GPHN: variants seen among roughly 807,000 people sequenced by gnomAD.
GPHN encodes the protein gephyrin.
Under a neutral mutation model 95.5 loss-of-function variants are expected in GPHN, and 17 were observed. That is an observed-to-expected ratio of 0.18 (90% CI 0.12 to 0.27). The LOEUF (loss-of-function observed/expected upper bound fraction) is 0.27, where lower values mean the gene tolerates loss of function less well. Ranked by LOEUF, GPHN falls within the 10% of genes least tolerant of loss-of-function variation. The probability of loss-of-function intolerance (pLI) is 1.00; values close to 1 mark genes in which losing one functional copy is unlikely to be tolerated. For synonymous variants in GPHN, 320 were observed against 322.5 expected, an observed-to-expected ratio of 0.99 and a Z score of 0.08; for missense variants, 660 against 978.1, an observed-to-expected ratio of 0.67 and a Z score of 4.34.
In GPHN at chr14:67,181,533, C is replaced by G; in HGVS notation, c.*596C>G. 1 of 500,584 alleles carries G rather than the reference C, an allele frequency of 2.0e-6. No individual in the cohort carries two copies. Among genetic ancestry groups the G allele is most frequent in the Non-Finnish European group, 3.9e-6 (1 of 257,744 alleles). 31.0% of individuals were successfully genotyped at this position (500,584 alleles called of 1,614,324 possible). A position where few individuals can be genotyped will look rare whatever the true frequency, so the allele number is the denominator to read the frequency against. On this transcript the variant is annotated 3_prime_UTR_variant, in exon 23 of 23. Coordinates refer to ENST00000478722, the MANE Select transcript of GPHN (RefSeq NM_020806.5). Reference sequence around the variant, plus strand: ...AGCCTCACGGCACAGTACTCTTGGGCAGTAACTGGACACCTTTTATTTGAA... The same window carrying G: ...AGCCTCACGGCACAGTACTCTTGGGGAGTAACTGGACACCTTTTATTTGAA...
intron 17 of GPHN, among the ~76,000 whole-genome samples, chr14:67,123,913 TG>T (rs1349292299): frequency 6.6e-6 from 1 of 152,180 alleles, no homozygotes; most frequent in African/African-American, 2.4e-5. Context: ...TGAACACCCC[TG>T]GTCTAAACCT....
intron 14 of GPHN, among the ~76,000 whole-genome samples, chr14:67,110,604 G>T (rs1169826740): frequency 6.6e-6 from 1 of 152,182 alleles, no homozygotes; most frequent in African/African-American, 2.4e-5. Context: ...TTCCAGAGCA[G>T]AGATATTAAT....
chr14:66,651,953 A>G (rs1381208611), intron 1 of GPHN, among the ~76,000 whole-genome samples: 5 of 152,116 alleles, frequency 3.3e-5, no homozygotes, highest in Admixed American at 2.6e-4. Flanking sequence ...GAAATAAAGT[A>G]CACAATAAAT....
At chr14:67,340,621 T>C in the GPHN span, 1 of 968,640 alleles carries the variant, frequency 1.0e-6, no homozygotes, top group Non-Finnish European at 1.6e-6. Context: ...ATTGTAAAAT[T>C]AATGTGCATT....
the GPHN span, chr14:67,578,553 T>C: frequency 2.5e-6 from 4 of 1,610,954 alleles, no homozygotes; most frequent in Non-Finnish European, 3.4e-6. This position sits in a 1 kb window ranked among gnomAD's most constrained non-coding sequence, Gnocchi z 5.0. Flanking sequence ...CTCCTCGCTC[T>C]GTGTGCTCCA....
intron 8 of GPHN, among the ~76,000 whole-genome samples, chr14:66,939,669 C>G (rs1443981815): frequency 6.6e-6 from 1 of 152,170 alleles, no homozygotes; most frequent in Non-Finnish European, 1.5e-5. Flanking sequence ...TCCAGGGATC[C>G]TCTGCCTTAT....
chr14:66,975,376 G>A (rs575654183), intron 9 of GPHN, among the ~76,000 whole-genome samples: 4 of 152,206 alleles, frequency 2.6e-5, no homozygotes, highest in Admixed American at 6.5e-5. Flanking sequence ...ATTTTACATT[G>A]ACAGCAGGAA....
At chr14:67,599,101 G>C in the GPHN span, among the ~76,000 whole-genome samples, 1 of 152,194 alleles carries the variant, frequency 6.6e-6, no homozygotes, top group African/African-American at 2.4e-5. Context: ...ACCATGCTCT[G>C]AAACACGCTT....
chr14:67,358,416 G>A, the GPHN span, among the ~76,000 whole-genome samples: 2 of 152,124 alleles, frequency 1.3e-5, no homozygotes, highest in Non-Finnish European at 2.9e-5. Context: ...TTTATTTTAA[G>A]CATCCTCAGA....
At chr14:67,574,441 C>T in the GPHN span, 4 of 1,442,144 alleles carry the variant, frequency 2.8e-6, no homozygotes, top group Non-Finnish European at 3.7e-6. The surrounding 1 kb of genome is among the most constrained non-coding windows in gnomAD (Gnocchi z 4.2). Context: ...ACATGTGCCT[C>T]CTGCGAATCA....
chr14:66,996,206 T>G (rs1286908328), intron 9 of GPHN: 1 of 1,528,038 alleles, frequency 6.5e-7, no homozygotes, highest in Non-Finnish European at 8.8e-7. Flanking sequence ...CATCTACCTA[T>G]AGTGTATCTG....
At chr14:67,324,733 C>T in the GPHN span, among the ~76,000 whole-genome samples, 1 of 151,910 alleles carries the variant, frequency 6.6e-6, no homozygotes, top group Non-Finnish European at 1.5e-5. Context: ...TATAGCCATG[C>T]ACCACCATGC....
At chr14:67,593,444 T>C in the GPHN span, 1 of 324,894 alleles carries the variant, frequency 3.1e-6, no homozygotes, top group Non-Finnish European at 5.8e-6. Context: ...TGAGCTGTGA[T>C]CGAGCCACTG....
At chr14:67,134,128 G>A (rs546570524) in intron 17 of GPHN, among the ~76,000 whole-genome samples, 1 of 152,198 alleles carries the variant, frequency 6.6e-6, no homozygotes, top group Admixed American at 6.5e-5. Context: ...ATGTTAGCTA[G>A]TCCAGACTTT....
At position 67,181,040 on chromosome 14, in the gene GPHN, G is replaced by A. The variant is rs1595522126; in HGVS notation, c.*103G>A. Reference sequence around the variant, plus strand: ...AGTTTTCCCGATTTGGATAAAAGTTGATCTGTATAGTCAACATCTTGAACT... The same window carrying A: ...AGTTTTCCCGATTTGGATAAAAGTTAATCTGTATAGTCAACATCTTGAACT... On this transcript the variant is annotated 3_prime_UTR_variant, in exon 23 of 23. Coordinates refer to ENST00000478722, the MANE Select transcript of GPHN (RefSeq NM_020806.5). 1 of 1,041,318 alleles carries A rather than the reference G, an allele frequency of 9.6e-7. No homozygotes were observed. The highest frequency in any genetic ancestry group is 2.5e-5 in the East Asian group (1 of 40,706). The allele number at this position is 1,041,318 out of a possible 1,614,324, so 64.5% of individuals were successfully genotyped here.
At chr14:67,199,382 G>A in the GPHN span, 1 of 1,613,994 alleles carries the variant, frequency 6.2e-7, no homozygotes, top group Non-Finnish European at 8.5e-7. Flanking sequence ...TGGGAACCTG[G>A]ACCCTGAGAT....
intron 2 of GPHN, among the ~76,000 whole-genome samples, chr14:66,717,655 A>G (rs914587665): frequency 2.6e-5 from 4 of 152,190 alleles, no homozygotes; most frequent in African/African-American, 9.6e-5. Context: ...GGGAAGATCT[A>G]GGGCTGAAGT....
At chr14:67,571,380 A>T in the GPHN span, 152 of 202,760 alleles carry the variant, frequency 7.5e-4, no homozygotes, top group African/African-American at 3.3e-3. Flanking sequence ...TTGCCAATGG[A>T]GATGCAATCA....
At chr14:66,543,233 C>T (rs1054784260) in intron 1 of GPHN, among the ~76,000 whole-genome samples, 3 of 152,128 alleles carry the variant, frequency 2.0e-5, no homozygotes, top group Non-Finnish European at 4.4e-5. Flanking sequence ...GATGGGGACA[C>T]AGATCCAAAC....
Sources: gnomAD v4.1 joint callset for allele counts (sites outside exome capture counted in the v4.1 genomes callset) on GRCh38, gnomAD v4.1.1 for gene constraint, Gnocchi (gnomAD v3.1) non-coding constraint, MANE v1.5 for transcripts, NCBI Gene and HGNC (gene_info 2026-07-23, HGNC 2026-07-21) for gene names.